SEC63: variants seen among roughly 807,000 people sequenced by gnomAD.
SEC63 encodes the protein SEC63 protein translocation regulator, also known as translocation protein SEC63 homolog.
SEC63 carries 56 observed loss-of-function variants against 116.2 expected under a neutral mutation model. The ratio of observed to expected loss-of-function variants is 0.48; its 90% CI spans 0.39 to 0.60. The LOEUF (loss-of-function observed/expected upper bound fraction) is 0.60. SEC63 is among the 20% of genes least tolerant of loss of function. The pLI, the probability that SEC63 is intolerant of heterozygous loss-of-function variation, is 0.00. For missense variants in SEC63, 668 were observed against 900.0 expected (o/e 0.74, Z 3.30); for synonymous variants, 273 against 294.6 (o/e 0.93, Z 0.75).
In SEC63 at chr6:107,871,656, A is replaced by C; in HGVS notation, c.*48T>G. 1.2e-6 allele frequency: 2 copies of C among 1,605,662 alleles called. No individual in the cohort carries two copies. The highest frequency in any genetic ancestry group is 1.7e-6 in the Non-Finnish European group (2 of 1,175,316). On this transcript the variant is annotated 3_prime_UTR_variant, in exon 21 of 21. Coordinates refer to ENST00000369002, the MANE Select transcript of SEC63 (RefSeq NM_007214.5). Reference sequence around the variant, plus strand: ...GTTTATGATACACTTCCAAAACAGCAAAAAATTGCAAATATGTGCAAACAC... The same window carrying C: ...GTTTATGATACACTTCCAAAACAGCCAAAAATTGCAAATATGTGCAAACAC...
Position 107,944,704 on chromosome 6 carries a change from A to AAATAAC in SEC63, c.124+13181_124+13182insGTTATT, listed in dbSNP as rs1330586059. On this transcript the variant is annotated intron_variant, in intron 1 of 20. Transcript: ENST00000369002. ...AGTAAAACTCTTGTCTCCAAAATAA[A>AAATAAC]AATAAAAATAAAAATAAAGAAGTCT... 7.9e-5 allele frequency among the ~76,000 whole-genome samples: 12 copies of AAATAAC among 151,882 alleles called. No homozygotes were observed. In the South Asian group the frequency reaches 1.2e-3, roughly 16 times the overall value.
At chr6:107,909,765 T>C (rs761078012) in intron 7 of SEC63, among the ~76,000 whole-genome samples, 5 of 152,214 alleles carry the variant, frequency 3.3e-5, no homozygotes, top group Non-Finnish European at 7.3e-5. Context: ...TCATATTACT[T>C]AATATGATTG....
intron 4 of SEC63, among the ~76,000 whole-genome samples, chr6:107,921,002 GA>G (rs1787543669): frequency 6.6e-6 from 1 of 152,092 alleles, no homozygotes; most frequent in South Asian, 2.1e-4. Context: ...TCTGAGCAGT[GA>G]AAAAGGAGAC....
intron 4 of SEC63, among the ~76,000 whole-genome samples, chr6:107,918,780 G>A (rs1470551633): frequency 6.6e-5 from 10 of 151,808 alleles, no homozygotes; most frequent in Non-Finnish European, 1.2e-4. Context: ...GATGGATCTG[G>A]GTAAAGTAAA....
intron 12 of SEC63, among the ~76,000 whole-genome samples, chr6:107,902,079 G>T (rs890673719): frequency 3.9e-5 from 6 of 152,002 alleles, no homozygotes; most frequent in Non-Finnish European, 8.8e-5. Context: ...CAGGTGTTTG[G>T]TGCTAGTTAT....
intron 6 of SEC63, 31 bp downstream of exon 6, chr6:107,912,685 A>G (rs1036468651): frequency 6.9e-7 from 1 of 1,443,314 alleles, no homozygotes; most frequent in Non-Finnish European, 9.7e-7. Context: ...TGTCTAATAC[A>G]TCATAATGTA....
intron 4 of SEC63, among the ~76,000 whole-genome samples, chr6:107,916,381 T>G (rs1787399638): frequency 1.3e-5 from 2 of 152,212 alleles, no homozygotes; most frequent in African/African-American, 2.4e-5. Flanking sequence ...CATATAGTAA[T>G]TCACATAGAT....
chr6:107,954,530 G>A (rs765447647), intron 1 of SEC63: 7 of 146,160 alleles, frequency 4.8e-5, no homozygotes, highest in Non-Finnish European at 9.0e-5. Context: ...GTAACACAGC[G>A]TTTACACTCA....
chr6:107,954,960 A>G (rs1256861778), intron 1 of SEC63, among the ~76,000 whole-genome samples: 1 of 152,256 alleles, frequency 6.6e-6, no homozygotes, highest in East Asian at 1.9e-4. Flanking sequence ...GCAAACAAAT[A>G]CATCAAAATA....
intron 16 of SEC63, among the ~76,000 whole-genome samples, chr6:107,884,250 C>CAAAAAA (rs35806948): frequency 8.9e-6 from 1 of 111,936 alleles, no homozygotes. Flanking sequence ...GACTCTGTCT[C>CAAAAAA]AAAAAAAAAA....
chr6:107,902,824 T>A lies in SEC63; in HGVS notation c.1209+20A>T. The A allele has an allele frequency of 6.2e-7, 1 of 1,612,196 alleles. No individual in the cohort carries two copies. Among genetic ancestry groups the A allele is most frequent in the Non-Finnish European group, 8.5e-7 (1 of 1,178,568 alleles). On this transcript the variant is annotated intron_variant, in intron 12 of 20. Transcript: ENST00000369002. The stretch of plus-strand genomic sequence containing the variant: ...CAGGACAAACTGCTGAAAACTGACT[T>A]TAAAGTAGCAAAGAATTACCTTCTT...
At position 107,893,663 on chromosome 6, in the gene SEC63, T is replaced by C; in HGVS notation, c.1501-8A>G. 2 of 1,613,920 alleles carry C rather than the reference T, an allele frequency of 1.2e-6. No homozygotes were observed. The highest frequency in any genetic ancestry group is 1.7e-6 in the Non-Finnish European group (2 of 1,179,880). ...CTTGTTAGTTTCACCCTGCTGTGAA[T>C]CATAACACGTCACACTCTTAAGTTA... On this transcript the variant is annotated splice_polypyrimidine_tract_variant and splice_region_variant and intron_variant, in intron 15 of 20. Coordinates refer to ENST00000369002, the MANE Select transcript of SEC63 (RefSeq NM_007214.5).
chr6:107,901,610 C>T (rs1252079229), intron 12 of SEC63, 93 bp from the exon 13 acceptor site: 2 of 903,476 alleles, frequency 2.2e-6, no homozygotes, highest in Non-Finnish European at 3.4e-6. Context: ...ACAACAAAAT[C>T]CAGCAACTTT....
chr6:107,908,897 T>A (rs1419075277), intron 8 of SEC63, 30 bp downstream of exon 8: 2 of 1,306,382 alleles, frequency 1.5e-6, no homozygotes, highest in Non-Finnish European at 2.2e-6. Context: ...ACAATGTGAT[T>A]AATAGCAAAG....
At chr6:107,889,642 G>A (rs1290432908) in intron 16 of SEC63, among the ~76,000 whole-genome samples, 3 of 151,540 alleles carry the variant, frequency 2.0e-5, no homozygotes, top group African/African-American at 7.3e-5. Context: ...GAATTTGTTT[G>A]CTCTTGCTTC....
chr6:107,936,113 G>A (rs916064674), intron 1 of SEC63, among the ~76,000 whole-genome samples: 1 of 152,226 alleles, frequency 6.6e-6, no homozygotes, highest in Non-Finnish European at 1.5e-5. Context: ...CAGGCAGTTT[G>A]ATCTATTCAA....
In SEC63 at chr6:107,869,962, A is replaced by C. The variant is rs1281502838; in HGVS notation, c.*1742T>G. 1.3e-5 allele frequency: 2 copies of C among 151,994 alleles called. No individual in the cohort carries two copies. Among genetic ancestry groups the C allele is most frequent in the African/African-American group, 2.4e-5 (1 of 41,352 alleles). The allele number at this position is 151,994 out of a possible 1,614,324, so 9.4% of individuals were successfully genotyped here. On this transcript the variant is annotated 3_prime_UTR_variant, in exon 21 of 21. Transcript: ENST00000369002. The stretch of plus-strand genomic sequence containing the variant: ...GAAAACTAGGAAATATGCATTCTAC[A>C]CATTGTTCTGTCTTGTCTGCTCAGT...
intron 1 of SEC63, among the ~76,000 whole-genome samples, chr6:107,935,400 G>A (rs2114498087): frequency 6.6e-6 from 1 of 151,438 alleles, no homozygotes; most frequent in East Asian, 1.9e-4. Flanking sequence ...CCGTGTCTGT[G>A]TAGAAAGAAG....
chr6:107,958,096 G>C lies in SEC63; in HGVS notation c.-87C>G, dbSNP rs950841067. 3 of 1,583,202 alleles carry C rather than the reference G, an allele frequency of 1.9e-6. No homozygotes were observed. The highest frequency in any genetic ancestry group is 2.6e-6 in the Non-Finnish European group (3 of 1,162,816). ...CGCTCCCAACGCCCCGGCCCGAGTG[G>C]CGTAGCTTGGACACTGCCGCCGCCG... On this transcript the variant is annotated 5_prime_UTR_variant, in exon 1 of 21. Coordinates refer to ENST00000369002, the MANE Select transcript of SEC63 (RefSeq NM_007214.5).
Sources: gnomAD v4.1 joint callset for allele counts (sites outside exome capture counted in the v4.1 genomes callset) on GRCh38, gnomAD v4.1.1 for gene constraint, MANE v1.5 for transcripts, NCBI Gene and HGNC (gene_info 2026-07-23, HGNC 2026-07-21) for gene names.